Variants in PELP1 observed in about 807,000 individuals in gnomAD.
PELP1 encodes proline, glutamate and leucine rich protein 1, also known as proline-, glutamic acid- and leucine-rich protein 1.
A neutral mutation model predicts 95.5 loss-of-function variants in PELP1; 32 were observed. That is an observed-to-expected ratio of 0.34 (90% confidence interval 0.25 to 0.45). The LOEUF is 0.45. Among genes scored for constraint, PELP1 ranks in the 20% least tolerant of loss-of-function variants. The pLI is 1.00. For synonymous variants in PELP1, 668 were observed against 600.1 expected, an observed-to-expected ratio of 1.11 and a Z score of -1.65; for missense variants, 1,358 against 1,444.8, an observed-to-expected ratio of 0.94 and a Z score of 0.97.
At chr17:4,688,846 A>G (rs1391380638) in intron 3 of PELP1, among the ~76,000 whole-genome samples, 1 of 152,220 alleles carries the variant, frequency 6.6e-6, no homozygotes, top group East Asian at 1.9e-4. Flanking sequence ...CGAAAAAACA[A>G]TCCAAAAATT....
At chr17:4,690,032 G>C (rs1567666519) in intron 3 of PELP1, among the ~76,000 whole-genome samples, 1 of 151,974 alleles carries the variant, frequency 6.6e-6, no homozygotes, top group Non-Finnish European at 1.5e-5. Context: ...TCGAGAGAGA[G>C]ACAGAGACAG....
At position 4,672,871 on chromosome 17, in the gene PELP1, T is replaced by C. The variant is rs368444449; in HGVS notation, c.2120A>G (p.Asn707Ser). Residue 707 changes from asparagine (N) to serine (S), a missense_variant, in exon 16 of 17, where the codon AAC becomes AGC. This residue lies in a region of PELP1 where 340 missense variants were observed against 322.9 expected (regional missense o/e 1.05). Transcript: ENST00000572293. ...GCCTGGGACAGAAAGGCCTAGGTGGTTGGCTGTGGTGGGAGGTCCAGGGCG... is the reference window on the plus strand; with the variant it reads ...GCCTGGGACAGAAAGGCCTAGGTGGCTGGCTGTGGTGGGAGGTCCAGGGCG... Reference protein sequence around the residue: ...SARPGPPTTANHLGLSVPGLV... With the variant: ...SARPGPPTTASHLGLSVPGLV... 224 of 1,613,618 alleles carry C rather than the reference T, an allele frequency of 1.4e-4. No homozygotes were observed. The highest frequency in any genetic ancestry group is 3.2e-4 in the South Asian group (29 of 91,074).
chr17:4,672,895 C>G lies in PELP1; in HGVS notation c.2096G>C (p.Arg699Pro). 1 of 1,613,638 alleles carries G rather than the reference C, an allele frequency of 6.2e-7. No homozygotes were observed. Among genetic ancestry groups the G allele is most frequent in the African/African-American group, 1.3e-5 (1 of 75,024 alleles). The change falls in exon 16 of 17, where the codon CGC becomes CCC. Residue 699 changes from arginine to proline, a missense_variant. By Grantham distance (103) the Arg-to-Pro change is moderately radical. Coordinates refer to ENST00000572293, the MANE Select transcript of PELP1 (RefSeq NM_014389.3). ...MPSAGPVPSA[R>P]PGPPTTANHL... is the part of the protein sequence containing the mutation. ...GTTGGCTGTGGTGGGAGGTCCAGGG[C>G]GTGCCGAGGGCACAGGGCCTGCTGA...
chr17:4,696,594 T>TTTTTG (rs1383727160), intron 1 of PELP1: 2 of 152,102 alleles, frequency 1.3e-5, no homozygotes, highest in African/African-American at 2.4e-5. Context: ...TCTGGTTTGC[T>TTTTTG]TTTTGTTTTG....
chr17:4,680,322 G>A (rs904123991), intron 5 of PELP1, among the ~76,000 whole-genome samples: 1 of 152,166 alleles, frequency 6.6e-6, no homozygotes, highest in African/African-American at 2.4e-5. Flanking sequence ...CTGTCACCCA[G>A]GCTGGAGTAC....
intron 3 of PELP1, among the ~76,000 whole-genome samples, chr17:4,685,724 T>G (rs1597452665): frequency 7.0e-6 from 1 of 143,560 alleles, no homozygotes; most frequent in African/African-American, 2.6e-5. Flanking sequence ...GCACCAGAGG[T>G]CAAGGCTGCA....
Position 4,671,443 on chromosome 17 carries a change from G to T in PELP1, c.3389C>A (p.Ser1130Tyr). The change falls in exon 17 of 17, where the codon TCC becomes TAC. Residue 1130 changes from serine to tyrosine, a missense_variant. This residue lies in a region of PELP1 where 283 missense variants were observed against 284.1 expected (regional missense o/e 1.00). Transcript: ENST00000572293. ...AGAGTGGGGTGCAGAAGATGGCTAG[G>T]AGTCAGGCTCTGTGGGAGGTGGTGG... The part of the protein sequence containing the change: ...EKPPPPTEPD[S>Y] The T allele has an allele frequency of 7.0e-7, 1 of 1,431,338 alleles. No individual in the cohort carries two copies. The highest frequency in any genetic ancestry group is 9.9e-7 in the Non-Finnish European group (1 of 1,013,156). The allele number at this position is 1,431,338 out of a possible 1,614,324, so 88.7% of individuals were successfully genotyped here.
rs1295760394 is a variant in PELP1 at position 4,701,551 on chromosome 17, T to C, written c.249+2312A>G. ...ATTGTTGCTATAATATACTCCAAGC[T>C]AGATATGGAGCACTGTGCTAGGATC... On this transcript the variant is annotated intron_variant, in intron 1 of 16. Coordinates refer to ENST00000572293, the MANE Select transcript of PELP1 (RefSeq NM_014389.3). 2.0e-5 allele frequency among the ~76,000 whole-genome samples: 3 copies of C among 152,226 alleles called. No homozygotes were observed. In the East Asian group the frequency reaches 5.8e-4, roughly 29 times the overall value.
Position 4,673,554 on chromosome 17 carries a change from A to C in PELP1, c.1638+65T>G, listed in dbSNP as rs568220133. On this transcript the variant is annotated intron_variant, in intron 14 of 16. Transcript: ENST00000572293. The surrounding 1 kb of genome is among the most constrained non-coding windows in gnomAD (Gnocchi z 5.7). ...CGGAATGGACCCACCTCTGGGCCAC[A>C]CCCCCCAATGTGTACAGAGCAGGGG... 9.1e-5 allele frequency: 143 copies of C among 1,575,724 alleles called. No homozygotes were observed. The highest frequency in any genetic ancestry group is 1.1e-4 in the Non-Finnish European group (128 of 1,145,758).
intron 3 of PELP1, among the ~76,000 whole-genome samples, chr17:4,683,329 T>C (rs977686447): frequency 6.6e-6 from 1 of 151,206 alleles, no homozygotes. Flanking sequence ...CACGCCATTC[T>C]CCTGCCTCAG....
At chr17:4,691,346 C>T (rs1913090980) in intron 2 of PELP1, 32 bp downstream of exon 2, 3 of 1,530,380 alleles carry the variant, frequency 2.0e-6, no homozygotes, top group South Asian at 2.2e-5. Context: ...AGGGAACACG[C>T]CCCTGGAGAA....
At chr17:4,698,458 C>A (rs1465062352) in intron 1 of PELP1, among the ~76,000 whole-genome samples, 2 of 143,432 alleles carry the variant, frequency 1.4e-5, no homozygotes, top group Non-Finnish European at 3.0e-5. Flanking sequence ...CATGGCGAAA[C>A]CCCATCGCTA....
Position 4,675,928 on chromosome 17 carries a change from G to A in PELP1, c.981-44C>T, listed in dbSNP as rs1773411461. The A allele has an allele frequency of 1.9e-6, 3 of 1,580,848 alleles. No homozygotes were observed. The African/African-American group carries it at 4.1e-5, about 21-fold the overall frequency. On this transcript the variant is annotated intron_variant, in intron 8 of 16. Transcript: ENST00000572293. This position sits in a 1 kb window ranked among gnomAD's most constrained non-coding sequence, Gnocchi z 4.3. Reference sequence around the variant, plus strand: ...GGGAGACCTTCAGAGCAGGCTCCCTGGCATAACTCCCACACCCACCTTCAT... The same window carrying A: ...GGGAGACCTTCAGAGCAGGCTCCCTAGCATAACTCCCACACCCACCTTCAT...
Position 4,675,024 on chromosome 17 carries a change from C to T in PELP1, c.1274+55G>A. The T allele has an allele frequency of 6.2e-6, 10 of 1,606,178 alleles. No homozygotes were observed. The highest frequency in any genetic ancestry group is 7.7e-6 in the Non-Finnish European group (9 of 1,173,676). The stretch of plus-strand genomic sequence containing the variant: ...CATGCCAGAAGCCCCAGCCCACCTG[C>T]ACCCCCTCACCCCCCTCTCCTCTTT... On this transcript the variant is annotated intron_variant, in intron 11 of 16. Transcript: ENST00000572293. The surrounding 1 kb of genome is among the most constrained non-coding windows in gnomAD (Gnocchi z 4.3).
Position 4,671,127 on chromosome 17 carries a change from G to C in PELP1, c.*312C>G, listed in dbSNP as rs1192037500. 1.3e-5 allele frequency: 5 copies of C among 375,530 alleles called. No homozygotes were observed. Among genetic ancestry groups the C allele is most frequent in the Admixed American group, 8.7e-5 (2 of 22,922 alleles). 23.3% of individuals were successfully genotyped at this position (375,530 alleles called of 1,614,324 possible). A position where few individuals can be genotyped will look rare whatever the true frequency, so the allele number is the denominator to read the frequency against. On this transcript the variant is annotated 3_prime_UTR_variant, in exon 17 of 17. Coordinates refer to ENST00000572293, the MANE Select transcript of PELP1 (RefSeq NM_014389.3). ...AATACAAACACGAAAGCAGGGCTGT[G>C]TCTCTATAACTCCTCATTCTTAACC...
At position 4,674,535 on chromosome 17, in the gene PELP1, G is replaced by A. The variant is rs372215978; in HGVS notation, c.1557C>T (p.Ser519=). The A allele has an allele frequency of 3.1e-6, 5 of 1,612,954 alleles. No homozygotes were observed. In the African/African-American group the frequency reaches 5.3e-5, roughly 17 times the overall value. Residue 519 remains serine, a synonymous_variant, in exon 13 of 17, where the codon AGC becomes AGT. Coordinates refer to ENST00000572293, the MANE Select transcript of PELP1 (RefSeq NM_014389.3). The part of the protein sequence containing the change: ...SHRKGDSNAN[S]DVCAAALRGL... ...CTCTGAGTGCAGCCGCACACACGTC[G>A]CTGTTGGCATTGCTATCCCCTTTCC...
chr17:4,674,876 C>G lies in PELP1; in HGVS notation c.1355G>C (p.Gly452Ala). Residue 452 changes from glycine to alanine, a missense_variant, in exon 12 of 17, where the codon GGA becomes GCA. Coordinates refer to ENST00000572293, the MANE Select transcript of PELP1 (RefSeq NM_014389.3). ...GGTGAGCAGGGCCTCTCCAGAGGCT[C>G]CTCCCTGAAGCATTCCCGCCGAGGC... ...CGASAGMLQG[G>A]ASGEALLTHL... The G allele has an allele frequency of 6.2e-7, 1 of 1,613,682 alleles. No individual in the cohort carries two copies. Among genetic ancestry groups the G allele is most frequent in the Non-Finnish European group, 8.5e-7 (1 of 1,179,810 alleles).
At chr17:4,702,814 G>A (rs760183098) in intron 1 of PELP1, among the ~76,000 whole-genome samples, 2 of 152,160 alleles carry the variant, frequency 1.3e-5, no homozygotes, top group African/African-American at 2.4e-5. Context: ...GGTTTAGTGG[G>A]AGAGAAGGGA....
At chr17:4,691,081 C>G (rs1350497990) in intron 2 of PELP1, 88 bp from the exon 3 acceptor site, 1 of 924,806 alleles carries the variant, frequency 1.1e-6, no homozygotes, top group Non-Finnish European at 1.7e-6. Flanking sequence ...TAGGCTACAG[C>G]AAGACTTCAT....
Sources: allele counts gnomAD v4.1 joint callset (sites outside exome capture counted in the v4.1 genomes callset), GRCh38; gene constraint gnomAD v4.1.1; regional missense constraint gnomAD v4.1.1; non-coding constraint Gnocchi (gnomAD v3.1); transcripts MANE v1.5; gene names NCBI Gene and HGNC (gene_info 2026-07-23, HGNC 2026-07-21).